The following SCG5 variants were observed in gnomAD, a reference collection of about 807,000 sequenced individuals.
SCG5 encodes the protein secretogranin V.
In SCG5, 18 loss-of-function variants were observed where a neutral mutation model predicts 25.7. The ratio of observed to expected loss-of-function variants is 0.70; its 90% confidence interval spans 0.48 to 1.04. The LOEUF (loss-of-function observed/expected upper bound fraction) is 1.04. Among genes scored for constraint, SCG5 ranks in the 50% least tolerant of loss-of-function variants. SCG5 has a pLI of 0.00. For missense variants in SCG5, 206 were observed against 259.8 expected (o/e 0.79, Z 1.42); for synonymous variants, 101 against 91.7 (o/e 1.10, Z -0.58).
intron 2 of SCG5, among the ~76,000 whole-genome samples, chr15:32,678,803 G>A (rs1049023084): frequency 6.6e-6 from 1 of 152,186 alleles, no homozygotes; most frequent in African/African-American, 2.4e-5. Context: ...TTGTAGTACA[G>A]CCATTGGACT....
chr15:32,667,061 A>C (rs774493875), intron 2 of SCG5, among the ~76,000 whole-genome samples: 1 of 152,258 alleles, frequency 6.6e-6, no homozygotes, highest in East Asian at 1.9e-4. Flanking sequence ...GCAATTCTTT[A>C]TATCAATTAC....
At chr15:32,660,047 A>T (rs1453358304) in intron 2 of SCG5, among the ~76,000 whole-genome samples, 2 of 152,248 alleles carry the variant, frequency 1.3e-5, no homozygotes, top group African/African-American at 4.8e-5. Context: ...TTATTCTGAC[A>T]GTAAATGATA....
intron 2 of SCG5, among the ~76,000 whole-genome samples, chr15:32,661,958 C>T (rs1290792661): frequency 6.6e-6 from 1 of 152,116 alleles, no homozygotes; most frequent in African/African-American, 2.4e-5. Flanking sequence ...TTTTTAAAAT[C>T]ATACAGTAAA....
At chr15:32,658,555 A>G (rs1347285229) in intron 2 of SCG5, among the ~76,000 whole-genome samples, 1 of 152,182 alleles carries the variant, frequency 6.6e-6, no homozygotes, top group Non-Finnish European at 1.5e-5. Flanking sequence ...GGCTGTCGCC[A>G]AGTTTTTCTG....
chr15:32,681,640 G>A (rs2054623295), intron 3 of SCG5, among the ~76,000 whole-genome samples: 1 of 151,646 alleles, frequency 6.6e-6, no homozygotes, highest in African/African-American at 2.4e-5. Flanking sequence ...TGTAGAGGTG[G>A]GGTCTCATTA....
intron 2 of SCG5, among the ~76,000 whole-genome samples, chr15:32,644,919 G>C (rs111661718): frequency 8.7e-4 from 133 of 152,296 alleles, no homozygotes; most frequent in African/African-American, 3.1e-3. Flanking sequence ...GTTGATAGAT[G>C]ATTCTTATTT....
intron 2 of SCG5, among the ~76,000 whole-genome samples, chr15:32,669,648 G>C (rs978419072): frequency 1.3e-5 from 2 of 152,152 alleles, no homozygotes; most frequent in Non-Finnish European, 2.9e-5. Context: ...GGAGCTAAAA[G>C]TGCTATTGCA....
chr15:32,678,219 A>T lies in SCG5; in HGVS notation c.227-1547A>T, dbSNP rs193064847. Among the ~76,000 whole-genome samples the T allele has an allele frequency of 1.2e-3, 177 of 152,340 alleles. 1 individual carries two copies. The highest frequency in any genetic ancestry group is 4.3e-3 in the African/African-American group (177 of 41,576). ...AAAAATGACAAATCTGACTACATAAATATTAAAAACGTATGTTAGCAAAAT... is the reference window on the plus strand; with the variant it reads ...AAAAATGACAAATCTGACTACATAATTATTAAAAACGTATGTTAGCAAAAT... On this transcript the variant is annotated intron_variant, in intron 2 of 5. Coordinates refer to ENST00000300175, the MANE Select transcript of SCG5 (RefSeq NM_001144757.3).
intron 2 of SCG5, among the ~76,000 whole-genome samples, chr15:32,650,396 C>A (rs1257241193): frequency 3.3e-5 from 5 of 152,184 alleles, no homozygotes; most frequent in African/African-American, 1.2e-4. Flanking sequence ...CCACCACGCC[C>A]GGCGCCCCAG....
chr15:32,679,515 T>C (rs951417356), intron 2 of SCG5, among the ~76,000 whole-genome samples: 1 of 152,238 alleles, frequency 6.6e-6, no homozygotes, highest in African/African-American at 2.4e-5. Flanking sequence ...TCCCATGCTC[T>C]TGTGATGCTG....
At chr15:32,684,275 G>A (rs2054665390) in intron 3 of SCG5, 1 of 371,594 alleles carries the variant, frequency 2.7e-6, no homozygotes, top group Admixed American at 4.4e-5. Context: ...ATGACTCCAC[G>A]TGATTGCAAA....
At chr15:32,671,269 G>T (rs931324335) in intron 2 of SCG5, among the ~76,000 whole-genome samples, 1 of 152,196 alleles carries the variant, frequency 6.6e-6, no homozygotes, top group African/African-American at 2.4e-5. Context: ...AGGTTTGAAT[G>T]TTGGGACCCT....
intron 5 of SCG5, among the ~76,000 whole-genome samples, chr15:32,693,395 C>G (rs2054897666): frequency 6.6e-6 from 1 of 152,164 alleles, no homozygotes; most frequent in Non-Finnish European, 1.5e-5. Context: ...AAAGAAGGGT[C>G]ACTTTGACCC....
chr15:32,645,703 C>T (rs1595786963), intron 2 of SCG5, among the ~76,000 whole-genome samples: 1 of 151,782 alleles, frequency 6.6e-6, no homozygotes, highest in East Asian at 1.9e-4. Context: ...TATTATGTAC[C>T]CACAAAAACT....
At chr15:32,647,381 A>G (rs1053232479) in intron 2 of SCG5, among the ~76,000 whole-genome samples, 2 of 152,220 alleles carry the variant, frequency 1.3e-5, no homozygotes, top group Non-Finnish European at 2.9e-5. Flanking sequence ...TAATTGTATG[A>G]TCAATGGATC....
chr15:32,685,988 A>G (rs2054702103), intron 4 of SCG5, among the ~76,000 whole-genome samples: 1 of 152,250 alleles, frequency 6.6e-6, no homozygotes, highest in East Asian at 1.9e-4. Context: ...AGAAATCTTC[A>G]TTAATGACCA....
chr15:32,662,599 T>TA (rs1245165446), intron 2 of SCG5, among the ~76,000 whole-genome samples: 8 of 152,292 alleles, frequency 5.3e-5, no homozygotes, highest in African/African-American at 1.7e-4. Context: ...CATGTAGACT[T>TA]AAAACTACAG....
At chr15:32,642,598 G>T (rs2053882950) in intron 1 of SCG5, among the ~76,000 whole-genome samples, 2 of 144,978 alleles carry the variant, frequency 1.4e-5, no homozygotes. Flanking sequence ...AAAAAAAAGG[G>T]TTTGCAAGGC....
intron 2 of SCG5, among the ~76,000 whole-genome samples, chr15:32,654,700 C>T (rs2054086078): frequency 6.6e-6 from 1 of 150,648 alleles, no homozygotes; most frequent in Non-Finnish European, 1.5e-5. Flanking sequence ...AGCTTGCCTT[C>T]CTCACTAGAC....
Sources: allele counts gnomAD v4.1 joint callset (sites outside exome capture counted in the v4.1 genomes callset), GRCh38; gene constraint gnomAD v4.1.1; transcripts MANE v1.5; gene names NCBI Gene and HGNC (gene_info 2026-07-23, HGNC 2026-07-21).